Variants in SFMBT2 observed in about 807,000 individuals in gnomAD.
SFMBT2 encodes the protein scm-like with four MBT domains protein 2.
SFMBT2 carries 38 observed loss-of-function variants against 110.1 expected under a neutral mutation model. The ratio of observed to expected loss-of-function variants is 0.35; its 90% CI spans 0.27 to 0.45. The LOEUF is 0.45. Among genes scored for constraint, SFMBT2 ranks in the 20% least tolerant of loss-of-function variants. The pLI is 1.00. For missense variants in SFMBT2, 1,011 were observed against 1,094.9 expected, an observed-to-expected ratio of 0.92 and a Z score of 1.08; for synonymous variants, 425 against 425.4, an observed-to-expected ratio of 1.00 and a Z score of 0.01.
rs970854340 is a variant in SFMBT2 at position 7,370,200 on chromosome 10, T to G, written c.195+81A>C. 6.6e-5 allele frequency: 85 copies of G among 1,286,900 alleles called. No individual in the cohort carries two copies. In the Middle Eastern group the frequency reaches 9.5e-4, roughly 14 times the overall value. The allele number at this position is 1,286,900 out of a possible 1,614,324, so 79.7% of individuals were successfully genotyped here. ...CCCTCTTTCCTCTGCCCTTCTTCCA[T>G]TGAGTTCTCCGGCTTCTCCCTATAG... On this transcript the variant is annotated intron_variant, in intron 3 of 20. Transcript: ENST00000397167.
Position 7,258,233 on chromosome 10 carries a change from C to G in SFMBT2, c.871-9584G>C, listed in dbSNP as rs896135361. ...CAGGCGTGAGCCACCGTGCCTGGCT[C>G]CAGGAACCACATTCTTAACCTGAGT... On this transcript the variant is annotated intron_variant, in intron 7 of 20. Transcript: ENST00000397167. Among the ~76,000 whole-genome samples the G allele has an allele frequency of 5.9e-5, 9 of 152,274 alleles. No individual in the cohort carries two copies. In the East Asian group the frequency reaches 1.5e-3, roughly 26 times the overall value.
intron 4 of SFMBT2, among the ~76,000 whole-genome samples, chr10:7,337,617 A>G (rs1303453856): frequency 6.6e-6 from 1 of 152,110 alleles, no homozygotes; most frequent in Non-Finnish European, 1.5e-5. Flanking sequence ...AAGTTTCCTG[A>G]GTCCTCCCAA....
At chr10:7,188,801 T>G in intron 15 of SFMBT2, 68 bp from the exon 16 acceptor site, 5 of 1,312,352 alleles carry the variant, frequency 3.8e-6, no homozygotes, top group Non-Finnish European at 5.4e-6. Context: ...AAGGATGCTT[T>G]GAAAACCACA....
chr10:7,205,081 T>C (rs1839084440), intron 12 of SFMBT2: 13 of 328,436 alleles, frequency 4.0e-5, no homozygotes, highest in Non-Finnish European at 5.7e-5. Flanking sequence ...CTGTTTATTT[T>C]ATTTATTTTT....
chr10:7,266,342 G>A (rs1329249159), intron 7 of SFMBT2, among the ~76,000 whole-genome samples: 2 of 151,892 alleles, frequency 1.3e-5, no homozygotes, highest in African/African-American at 2.4e-5. Flanking sequence ...CACCCACCTC[G>A]GCCTCCCAAA....
intron 1 of SFMBT2, among the ~76,000 whole-genome samples, chr10:7,392,645 T>G (rs1415541811): frequency 6.6e-6 from 1 of 152,238 alleles, no homozygotes; most frequent in East Asian, 1.9e-4. Flanking sequence ...GATTATTTTA[T>G]CTCACAAAAC....
In SFMBT2 at chr10:7,387,142, G is replaced by A. The variant is rs1452470811; in HGVS notation, c.-51-5193C>T. 2.0e-5 allele frequency among the ~76,000 whole-genome samples: 3 copies of A among 152,284 alleles called. 1 individual carries two copies. Among genetic ancestry groups the A allele is most frequent in the African/African-American group, 7.2e-5 (3 of 41,556 alleles). On this transcript the variant is annotated intron_variant, in intron 1 of 20. Coordinates refer to ENST00000397167, the MANE Select transcript of SFMBT2 (RefSeq NM_001387889.1). The stretch of plus-strand genomic sequence containing the variant: ...ATAAAACTAAACTAGGGAGTGGCAG[G>A]GACCCCACACAGTGTCATCTGTGAG...
At position 7,300,285 on chromosome 10, in the gene SFMBT2, G is replaced by C. The variant is rs1016243686; in HGVS notation, c.437-14331C>G. Among the ~76,000 whole-genome samples, 6 of 148,746 alleles carry C rather than the reference G, an allele frequency of 4.0e-5. No homozygotes were observed. The East Asian group carries it at 5.8e-4, about 14-fold the overall frequency. On this transcript the variant is annotated intron_variant, in intron 4 of 20. Transcript: ENST00000397167. Reference sequence around the variant, plus strand: ...CCTGCACGTTCTGCACATGTATCCAGCTTTTTTTTTTTTTAAGAAATAAAG... The same window carrying C: ...CCTGCACGTTCTGCACATGTATCCACCTTTTTTTTTTTTTAAGAAATAAAG...
chr10:7,310,486 C>T (rs934936868), intron 4 of SFMBT2, among the ~76,000 whole-genome samples: 6 of 152,174 alleles, frequency 3.9e-5, no homozygotes, highest in Non-Finnish European at 8.8e-5. Context: ...ATAAAGGGTA[C>T]ATCTAAACAT....
chr10:7,290,328 TTATAA>T (rs1842226996), intron 4 of SFMBT2, among the ~76,000 whole-genome samples: 1 of 151,958 alleles, frequency 6.6e-6, no homozygotes, highest in Non-Finnish European at 1.5e-5. Flanking sequence ...TTTTACTTAG[TTATAA>T]TATTATATAA....
At chr10:7,359,849 A>T (rs1442278454) in intron 4 of SFMBT2, among the ~76,000 whole-genome samples, 1 of 152,210 alleles carries the variant, frequency 6.6e-6, no homozygotes, top group East Asian at 1.9e-4. Context: ...ATTTTAATCT[A>T]AAGTCTTAAT....
intron 15 of SFMBT2, among the ~76,000 whole-genome samples, chr10:7,192,116 A>C (rs186573696): frequency 6.6e-6 from 1 of 152,158 alleles, no homozygotes; most frequent in South Asian, 2.1e-4. Flanking sequence ...GAGTGTGTTC[A>C]AGTTCACACC....
intron 11 of SFMBT2, chr10:7,215,785 G>C: frequency 4.2e-6 from 4 of 962,842 alleles, no homozygotes; most frequent in Non-Finnish European, 4.9e-6. Context: ...TGCTGTGTTT[G>C]GCTTGAGGGT....
intron 4 of SFMBT2, among the ~76,000 whole-genome samples, chr10:7,297,284 G>A (rs567307747): frequency 3.3e-5 from 5 of 152,288 alleles, no homozygotes; most frequent in Admixed American, 3.3e-4. Context: ...GAAATGGCAG[G>A]CTCCAGATGG....
chr10:7,197,606 C>T lies in SFMBT2; in HGVS notation c.1640G>A (p.Arg547Lys). 2 of 1,614,208 alleles carry T rather than the reference C, an allele frequency of 1.2e-6. No homozygotes were observed. The highest frequency in any genetic ancestry group is 2.2e-5 in the South Asian group (2 of 91,082). ...CFSGPYLNKG[R>K]IAELPQSVGP... ...CACCGACTGAGGTAGCTCTGCAATC[C>T]TTCCTTTGTTCAGGTAAGGGCCTGA... The change falls in exon 15 of 21, where the codon AGG becomes AAG. Residue 547 changes from arginine (R) to lysine (K), a missense_variant. Coordinates refer to ENST00000397167, the MANE Select transcript of SFMBT2 (RefSeq NM_001387889.1).
At chr10:7,254,390 G>A (rs1840926613) in intron 7 of SFMBT2, among the ~76,000 whole-genome samples, 1 of 152,102 alleles carries the variant, frequency 6.6e-6, no homozygotes, top group African/African-American at 2.4e-5. Flanking sequence ...GGAAGATCCA[G>A]ACTGAGAAGG....
At chr10:7,271,960 G>T (rs1446876072) in intron 7 of SFMBT2, among the ~76,000 whole-genome samples, 1 of 152,176 alleles carries the variant, frequency 6.6e-6, no homozygotes, top group African/African-American at 2.4e-5. Context: ...AATTCTGGGA[G>T]CTACAAGATG....
At chr10:7,220,826 CTTTT>C (rs372894766) in intron 10 of SFMBT2, among the ~76,000 whole-genome samples, 1 of 146,280 alleles carries the variant, frequency 6.8e-6, no homozygotes, top group African/African-American at 2.5e-5. Context: ...ACCCTTCCTT[CTTTT>C]TTTTTTTTGT....
intron 4 of SFMBT2, among the ~76,000 whole-genome samples, chr10:7,331,884 C>T (rs980619467): frequency 6.6e-6 from 1 of 151,892 alleles, no homozygotes; most frequent in African/African-American, 2.4e-5. Context: ...GTGGTGCGCC[C>T]CTGTATTCTC....
Sources: gnomAD v4.1 joint callset for allele counts (sites outside exome capture counted in the v4.1 genomes callset) on GRCh38, gnomAD v4.1.1 for gene constraint, MANE v1.5 for transcripts, NCBI Gene and HGNC (gene_info 2026-07-23, HGNC 2026-07-21) for gene names.